Variants in CPXM2 observed in about 807,000 individuals in gnomAD.
CPXM2 encodes inactive carboxypeptidase-like protein X2.
CPXM2 carries 66 observed loss-of-function variants against 86.1 expected under a neutral mutation model. The observed-to-expected ratio is 0.77, with a 90% confidence interval of 0.63 to 0.94. CPXM2 has a LOEUF of 0.94. Ranked by LOEUF, CPXM2 falls within the 40% of genes least tolerant of loss-of-function variation. The pLI, the probability that CPXM2 is intolerant of heterozygous loss-of-function variation, is 0.00. For synonymous variants in CPXM2, 388 were observed against 400.2 expected (o/e 0.97, Z 0.36); for missense variants, 948 against 1,026.3 (o/e 0.92, Z 1.04).
At chr10:123,934,423 G>T (rs1452246448) in intron 2 of CPXM2, among the ~76,000 whole-genome samples, 1 of 151,382 alleles carries the variant, frequency 6.6e-6, no homozygotes, top group South Asian at 2.1e-4. Flanking sequence ...GCCAATCCCT[G>T]CCTCTGTTTT....
chr10:123,799,519 A>T (rs1847406886), intron 4 of CPXM2, among the ~76,000 whole-genome samples: 1 of 152,250 alleles, frequency 6.6e-6, no homozygotes, highest in South Asian at 2.1e-4. Flanking sequence ...AGATGTAAAG[A>T]TATACAAATG....
chr10:123,937,465 AAAACAACACACACACACACACACAC>A (rs1188008537), intron 2 of CPXM2, among the ~76,000 whole-genome samples: 2 of 139,778 alleles, frequency 1.4e-5, no homozygotes, highest in East Asian at 2.1e-4. Flanking sequence ...ACAAGACAAC[AAAACAACACACACACACACACACAC>A]ACACACACAC....
intron 6 of CPXM2, among the ~76,000 whole-genome samples, chr10:123,787,490 C>T (rs189212907): frequency 2.6e-5 from 4 of 152,242 alleles, no homozygotes; most frequent in East Asian, 1.9e-4. Flanking sequence ...CCCACCACCA[C>T]GCCCGGCTAA....
At chr10:123,834,738 C>T (rs1168940456) in intron 4 of CPXM2, among the ~76,000 whole-genome samples, 1 of 152,166 alleles carries the variant, frequency 6.6e-6, no homozygotes, top group Non-Finnish European at 1.5e-5. Flanking sequence ...GTTGGAGGTG[C>T]AGCTTAATGG....
chr10:123,841,307 C>T (rs775225937), intron 4 of CPXM2, among the ~76,000 whole-genome samples: 1 of 152,102 alleles, frequency 6.6e-6, no homozygotes, highest in Non-Finnish European at 1.5e-5. Flanking sequence ...AGCCCTGAGC[C>T]GCCGCGGTCG....
Position 123,844,439 on chromosome 10 carries a change from A to AT in CPXM2, c.514-1952dup, listed in dbSNP as rs905317545. Among the ~76,000 whole-genome samples, 271 of 151,372 alleles carry AT rather than the reference A, an allele frequency of 1.8e-3. 1 individual carries two copies. Among genetic ancestry groups the AT allele is most frequent in the African/African-American group, 5.9e-3 (242 of 41,322 alleles). ...TTATAAAGGAAATTAAATTATATGC[A>AT]TTTTTTTTTACCTTAAAGAAAGCAC... On this transcript the variant is annotated intron_variant, in intron 3 of 13. Coordinates refer to ENST00000241305, the MANE Select transcript of CPXM2 (RefSeq NM_198148.3).
At chr10:123,833,209 G>A (rs1022038831) in intron 4 of CPXM2, among the ~76,000 whole-genome samples, 1 of 152,182 alleles carries the variant, frequency 6.6e-6, no homozygotes, top group African/African-American at 2.4e-5. Flanking sequence ...CATACAATGA[G>A]AGAAGAAAGG....
intron 10 of CPXM2, 53 bp from the exon 11 acceptor site, chr10:123,762,222 C>A (rs544118308): frequency 2.5e-6 from 4 of 1,611,902 alleles, no homozygotes; most frequent in Non-Finnish European, 3.4e-6. Flanking sequence ...ATTTTATCTC[C>A]CCAGCTGTCA....
At chr10:123,882,407 C>T (rs61861910) in intron 1 of CPXM2, among the ~76,000 whole-genome samples, 27,795 of 152,126 alleles carry the variant, frequency 0.18, 3,035 homozygotes, top group Non-Finnish European at 0.25. Flanking sequence ...GTGGGAAAAC[C>T]GTGGAAGAAG....
At chr10:123,914,236 G>A (rs1036757646) in intron 2 of CPXM2, 15 of 375,846 alleles carry the variant, frequency 4.0e-5, no homozygotes, top group African/African-American at 2.1e-5. Context: ...AAGCCACATC[G>A]AGCACATTAA....
At chr10:123,861,072 T>A (rs1156434986) in intron 3 of CPXM2, among the ~76,000 whole-genome samples, 1 of 152,118 alleles carries the variant, frequency 6.6e-6, no homozygotes, top group Non-Finnish European at 1.5e-5. Flanking sequence ...ATGAGCTCCC[T>A]GGGAAGGAAC....
At chr10:123,850,590 T>C (rs754931843) in intron 3 of CPXM2, among the ~76,000 whole-genome samples, 3 of 152,220 alleles carry the variant, frequency 2.0e-5, no homozygotes, top group African/African-American at 4.8e-5. Flanking sequence ...AGAGCTGGTA[T>C]TGCGGTGCTT....
chr10:123,886,398 T>C (rs1945178900), intron 1 of CPXM2, among the ~76,000 whole-genome samples: 1 of 152,186 alleles, frequency 6.6e-6, no homozygotes, highest in African/African-American at 2.4e-5. Flanking sequence ...ACCAACTGGC[T>C]TACGGCACAC....
chr10:123,911,340 C>A (rs746317179), intron 2 of CPXM2, among the ~76,000 whole-genome samples: 2 of 151,994 alleles, frequency 1.3e-5, no homozygotes, highest in South Asian at 2.1e-4. Context: ...GGGGACAGGT[C>A]CCCCGGCAGC....
intron 8 of CPXM2, among the ~76,000 whole-genome samples, chr10:123,769,074 T>G (rs192627430): frequency 7.2e-5 from 11 of 152,336 alleles, no homozygotes; most frequent in Admixed American, 3.3e-4. Flanking sequence ...GAGGCAATTA[T>G]TTTTCTTAAA....
At chr10:123,880,698 G>A (rs369749284) in intron 1 of CPXM2, among the ~76,000 whole-genome samples, 112 of 151,734 alleles carry the variant, frequency 7.4e-4, no homozygotes, top group East Asian at 5.4e-3. Context: ...GCATGGTGGC[G>A]GGCACCTGTA....
chr10:123,927,385 G>A (rs1289581021), intron 2 of CPXM2, among the ~76,000 whole-genome samples: 1 of 152,196 alleles, frequency 6.6e-6, no homozygotes, highest in African/African-American at 2.4e-5. Context: ...AATCAGAATA[G>A]CCAATTCTTA....
At chr10:123,799,746 C>T (rs577264235) in intron 4 of CPXM2, among the ~76,000 whole-genome samples, 117 of 152,306 alleles carry the variant, frequency 7.7e-4, no homozygotes, top group African/African-American at 2.7e-3. Context: ...AGACAATCCC[C>T]ACCCCAGGAA....
At chr10:123,889,299 T>C (rs1945228484) in intron 1 of CPXM2, among the ~76,000 whole-genome samples, 1 of 152,226 alleles carries the variant, frequency 6.6e-6, no homozygotes, top group Non-Finnish European at 1.5e-5. Flanking sequence ...GCTGACTTAC[T>C]TGTCAAGTCT....
Sources: gnomAD v4.1 joint callset for allele counts (sites outside exome capture counted in the v4.1 genomes callset) on GRCh38, gnomAD v4.1.1 for gene constraint, MANE v1.5 for transcripts, NCBI Gene and HGNC (gene_info 2026-07-23, HGNC 2026-07-21) for gene names.